The following TAF2 variants were observed in gnomAD, a reference collection of about 807,000 sequenced individuals.
TAF2 encodes TATA-box binding protein associated factor 2, also known as transcription initiation factor TFIID subunit 2.
A neutral mutation model predicts 138.5 loss-of-function variants in TAF2; 61 were observed. The ratio of observed to expected loss-of-function variants is 0.44; its 90% confidence interval spans 0.36 to 0.54. TAF2 has a LOEUF of 0.54. TAF2 is among the 20% of genes least tolerant of loss of function. TAF2 has a pLI of 0.00. For missense variants in TAF2, 1,090 were observed against 1,427.9 expected, an observed-to-expected ratio of 0.76 and a Z score of 3.81; for synonymous variants, 475 against 469.9, an observed-to-expected ratio of 1.01 and a Z score of -0.14.
chr8:119,768,984 G>A (rs1821639432), intron 18 of TAF2, among the ~76,000 whole-genome samples: 1 of 152,200 alleles, frequency 6.6e-6, no homozygotes, highest in African/African-American at 2.4e-5. Context: ...GACAGGGAAA[G>A]AGATCACATT....
intron 25 of TAF2, among the ~76,000 whole-genome samples, chr8:119,741,778 T>G (rs567415638): frequency 6.6e-6 from 1 of 152,358 alleles, no homozygotes; most frequent in African/African-American, 2.4e-5. Flanking sequence ...TGTCTACTTC[T>G]GGAAAAACTA....
At position 119,770,150 on chromosome 8, in the gene TAF2, G is replaced by GA. The variant is rs1427433475; in HGVS notation, c.2365-7543dup. Among the ~76,000 whole-genome samples the GA allele has an allele frequency of 7.3e-4, 106 of 145,338 alleles. No homozygotes were observed. In the Middle Eastern group the frequency reaches 0.014, roughly 19 times the overall value. On this transcript the variant is annotated intron_variant, in intron 18 of 25. Transcript: ENST00000378164. ...GTAACTTATAGGCATTCCTGGGGCAGAAAAAAAAAAGTAGGAAGTTTAGAA... is the reference window on the plus strand; with the variant it reads ...GTAACTTATAGGCATTCCTGGGGCAGAAAAAAAAAAAGTAGGAAGTTTAGAA...
intron 6 of TAF2, among the ~76,000 whole-genome samples, chr8:119,801,082 T>C (rs1296026148): frequency 1.3e-5 from 2 of 152,214 alleles, no homozygotes; most frequent in East Asian, 3.9e-4. Flanking sequence ...TTCCTCTGTA[T>C]AGGTTGAAGA....
At chr8:119,829,554 T>C (rs950373965) in intron 2 of TAF2, among the ~76,000 whole-genome samples, 1 of 152,050 alleles carries the variant, frequency 6.6e-6, no homozygotes, top group African/African-American at 2.4e-5. Context: ...TATATATGTA[T>C]GTGTATATAT....
chr8:119,778,042 A>C lies in TAF2; in HGVS notation c.2341T>G (p.Tyr781Asp). 6.5e-7 allele frequency: 1 copy of C among 1,549,330 alleles called. No individual in the cohort carries two copies. The highest frequency in any genetic ancestry group is 8.9e-7 in the Non-Finnish European group (1 of 1,125,736). ...VLTFILDLIK[Y>D]NDNRKNKFSD... ...ACCTTATTTTTCCTGTTGTCATTGT[A>C]CTTGATTAAGTCTAAAATAAATGTT... is the stretch of plus-strand genomic sequence containing the variant. Residue 781 changes from tyrosine to aspartate, a missense_variant, in exon 18 of 26, where the codon TAC becomes GAC. Physicochemically the swap from Tyr to Asp is radical, Grantham distance 160. This residue lies in a region of TAF2 where 580 missense variants were observed against 719.6 expected (regional missense o/e 0.81). Transcript: ENST00000378164.
chr8:119,734,054 G>A (rs979958202), intron 25 of TAF2, among the ~76,000 whole-genome samples: 5 of 152,140 alleles, frequency 3.3e-5, no homozygotes. Context: ...AGAGGCCAGA[G>A]ATGCTGGCAA....
intron 3 of TAF2, 93 bp downstream of exon 3, chr8:119,819,253 A>C: frequency 1.1e-6 from 1 of 912,456 alleles, no homozygotes; most frequent in South Asian, 1.9e-5. Context: ...TTAACGATCC[A>C]AAAAAAAAAT....
intron 23 of TAF2, among the ~76,000 whole-genome samples, chr8:119,745,967 TTA>T (rs1229592652): frequency 2.6e-5 from 4 of 152,098 alleles, no homozygotes; most frequent in African/African-American, 4.8e-5. Context: ...TATCATATGT[TTA>T]GAACTGTGCT....
At chr8:119,789,897 A>T in intron 11 of TAF2, 151 bp from the exon 12 acceptor site, 1 of 780,356 alleles carries the variant, frequency 1.3e-6, no homozygotes, top group Non-Finnish European at 2.0e-6. Context: ...GACTACTAGC[A>T]ATAGAAATAT....
chr8:119,732,994 T>C (rs955162729), intron 25 of TAF2, among the ~76,000 whole-genome samples: 1 of 152,016 alleles, frequency 6.6e-6, no homozygotes, highest in Non-Finnish European at 1.5e-5. Context: ...CAAACACAGA[T>C]TGAAAATACA....
chr8:119,754,018 G>A (rs1297143295), intron 22 of TAF2, among the ~76,000 whole-genome samples: 2 of 152,022 alleles, frequency 1.3e-5, no homozygotes, highest in Admixed American at 6.6e-5. Flanking sequence ...GTAAAAAGCA[G>A]CAATCATTCT....
chr8:119,805,560 G>C (rs1026415321), intron 4 of TAF2, among the ~76,000 whole-genome samples: 1 of 151,968 alleles, frequency 6.6e-6, no homozygotes, highest in African/African-American at 2.4e-5. Flanking sequence ...ACAAAAATCA[G>C]CCAGGCGTGG....
chr8:119,746,189 T>C (rs1023946582), intron 23 of TAF2, among the ~76,000 whole-genome samples: 6 of 151,856 alleles, frequency 4.0e-5, no homozygotes, highest in Admixed American at 2.6e-4. Context: ...CTGGCCAACA[T>C]GGTGAAATTC....
At position 119,806,469 on chromosome 8, in the gene TAF2, CTTT is replaced by C. The variant is rs71571631; in HGVS notation, c.300-71_300-69del. The C allele has an allele frequency of 0.13, 98,065 of 743,208 alleles. 161 individuals carry two copies. The highest frequency in any genetic ancestry group is 0.17 in the Middle Eastern group (414 of 2,464). The allele number at this position is 743,208 out of a possible 1,614,324, so 46.0% of individuals were successfully genotyped here. A position where few individuals can be genotyped will look rare whatever the true frequency, so the allele number is the denominator to read the frequency against. ...TCTTACCAAGCATTTTTCTTTCTTT[CTTT>C]TTTTTTTTTTTTTTTTAGATGAAGT... On this transcript the variant is annotated intron_variant, in intron 3 of 25. Transcript: ENST00000378164.
chr8:119,818,103 T>TA (rs1761781548), intron 3 of TAF2, among the ~76,000 whole-genome samples: 1 of 152,232 alleles, frequency 6.6e-6, no homozygotes. Context: ...GGACCATAAA[T>TA]ATGTCTAAAA....
chr8:119,762,477 T>C lies in TAF2; in HGVS notation c.2496A>G (p.Glu832=). Residue 832 remains glutamate (E), a synonymous_variant, in exon 19 of 26, where the codon GAA becomes GAG. Coordinates refer to ENST00000378164, the MANE Select transcript of TAF2 (RefSeq NM_003184.4). Reference sequence around the variant, plus strand: ...TTTCCATATTCAAAAATCTGGTGATTTCTTCAAGAATGAGTCGCACATCAG... The same window carrying C: ...TTTCCATATTCAAAAATCTGGTGATCTCTTCAAGAATGAGTCGCACATCAG... The part of the protein sequence containing the change: ...LNPDVRLILE[E]ITRFLNMEKL... The C allele has an allele frequency of 6.2e-7, 1 of 1,614,034 alleles. No homozygotes were observed. Among genetic ancestry groups the C allele is most frequent in the Non-Finnish European group, 8.5e-7 (1 of 1,179,954 alleles).
Position 119,760,581 on chromosome 8 carries a change from G to C in TAF2, c.2698+18C>G. The stretch of plus-strand genomic sequence containing the variant: ...GTTCTTTCTAAAATGATATGAGCAC[G>C]TATTTCTAAAGTATTACCTTTAGTA... On this transcript the variant is annotated intron_variant, in intron 20 of 25. Transcript: ENST00000378164. The C allele has an allele frequency of 6.2e-7, 1 of 1,610,802 alleles. No individual in the cohort carries two copies. Among genetic ancestry groups the C allele is most frequent in the Non-Finnish European group, 8.5e-7 (1 of 1,179,610 alleles).
At chr8:119,769,479 T>G (rs1188702449) in intron 18 of TAF2, among the ~76,000 whole-genome samples, 1 of 152,058 alleles carries the variant, frequency 6.6e-6, no homozygotes, top group African/African-American at 2.4e-5. Flanking sequence ...AATGAAAACT[T>G]TGAAATGATG....
At chr8:119,764,342 T>A (rs1421167452) in intron 18 of TAF2, among the ~76,000 whole-genome samples, 5 of 152,206 alleles carry the variant, frequency 3.3e-5, no homozygotes, top group Non-Finnish European at 7.3e-5. Context: ...CATATAAAAC[T>A]ACTGAATTTA....
Sources: allele counts gnomAD v4.1 joint callset (sites outside exome capture counted in the v4.1 genomes callset), GRCh38; gene constraint gnomAD v4.1.1; regional missense constraint gnomAD v4.1.1; transcripts MANE v1.5; gene names NCBI Gene and HGNC (gene_info 2026-07-23, HGNC 2026-07-21).